Variants in PAX3 observed in about 807,000 individuals in gnomAD.
PAX3 encodes the protein paired box protein Pax-3.
Under a neutral mutation model 51.6 loss-of-function variants are expected in PAX3, and 14 were observed. The ratio of observed to expected loss-of-function variants is 0.27; its 90% CI spans 0.18 to 0.42. PAX3 has a LOEUF of 0.42. PAX3 is among the 10% of genes least tolerant of loss of function. The probability of loss-of-function intolerance (pLI) is 1.00; values close to 1 mark genes in which losing one functional copy is unlikely to be tolerated. For synonymous variants in PAX3, 280 were observed against 253.4 expected (o/e 1.11, Z -1.00); for missense variants, 540 against 642.8 (o/e 0.84, Z 1.73).
chr2:222,216,923 A>G (rs932268558), intron 7 of PAX3, among the ~76,000 whole-genome samples: 2 of 152,114 alleles, frequency 1.3e-5, no homozygotes, highest in African/African-American at 4.8e-5. Flanking sequence ...TAACATGTCA[A>G]ATAGCTCCAC....
At chr2:222,207,168 G>A (rs967286155) in intron 7 of PAX3, among the ~76,000 whole-genome samples, 1 of 152,022 alleles carries the variant, frequency 6.6e-6, no homozygotes, top group Non-Finnish European at 1.5e-5. Context: ...TTGCCAATGT[G>A]GGTGTTACTG....
intron 4 of PAX3, among the ~76,000 whole-genome samples, chr2:222,256,272 G>C (rs1693641340): frequency 6.6e-6 from 1 of 152,110 alleles, no homozygotes; most frequent in African/African-American, 2.4e-5. Flanking sequence ...TTTGCAGGAA[G>C]ATTTTCTCTG....
At chr2:222,217,066 C>T (rs1352861466) in intron 7 of PAX3, among the ~76,000 whole-genome samples, 2 of 152,124 alleles carry the variant, frequency 1.3e-5, no homozygotes, top group African/African-American at 2.4e-5. Context: ...GTTGTATGCA[C>T]TACTTTCTAC....
chr2:222,252,060 A>T (rs1036888880), intron 4 of PAX3, among the ~76,000 whole-genome samples: 3 of 152,216 alleles, frequency 2.0e-5, no homozygotes, highest in African/African-American at 7.2e-5. Context: ...AAGGATGGTT[A>T]CTACATTACT....
chr2:222,242,788 A>T (rs1033269360), intron 4 of PAX3: 13 of 152,310 alleles, frequency 8.5e-5, no homozygotes, highest in Admixed American at 6.5e-5. Flanking sequence ...ACCAAGAAAG[A>T]ACTCTGCTTA....
At chr2:222,253,045 T>C (rs193114426) in intron 4 of PAX3, among the ~76,000 whole-genome samples, 6 of 152,246 alleles carry the variant, frequency 3.9e-5, no homozygotes, top group African/African-American at 1.2e-4. Flanking sequence ...ATAGGCTACT[T>C]CCATCATCTC....
At chr2:222,206,328 C>T (rs1342541593) in intron 7 of PAX3, among the ~76,000 whole-genome samples, 2 of 151,888 alleles carry the variant, frequency 1.3e-5, no homozygotes, top group Non-Finnish European at 2.9e-5. Context: ...AAGATCTCTG[C>T]TCTGTCTCAT....
In PAX3 at chr2:222,294,328, A is replaced by G. The variant is rs779818750; in HGVS notation, c.452-27T>C. 7 of 1,613,572 alleles carry G rather than the reference A, an allele frequency of 4.3e-6. No homozygotes were observed. The African/African-American group carries it at 9.3e-5, about 22-fold the overall frequency. On this transcript the variant is annotated intron_variant, in intron 3 of 8. Coordinates refer to ENST00000392070, the MANE Select transcript of PAX3 (RefSeq NM_181458.4). Reference sequence around the variant, plus strand: ...TGGGGGCGGGAGGAGGAAGGAAGCAAGGGAGCGCACATGGTTGAGACAAGC... The same window carrying G: ...TGGGGGCGGGAGGAGGAAGGAAGCAGGGGAGCGCACATGGTTGAGACAAGC...
intron 4 of PAX3, among the ~76,000 whole-genome samples, chr2:222,235,413 C>T (rs1391519324): frequency 2.0e-5 from 3 of 152,144 alleles, no homozygotes; most frequent in Admixed American, 1.3e-4. Flanking sequence ...CATCTTTATT[C>T]TTAAAATGGA....
intron 4 of PAX3, among the ~76,000 whole-genome samples, chr2:222,288,776 G>A (rs1021615256): frequency 2.0e-5 from 3 of 152,150 alleles, no homozygotes; most frequent in African/African-American, 4.8e-5. Flanking sequence ...CCTACAACAT[G>A]TAACTGGTTT....
In PAX3 at chr2:222,227,886, T is replaced by C. The variant is rs1301077801; in HGVS notation, c.792+4192A>G. Among the ~76,000 whole-genome samples the C allele has an allele frequency of 2.0e-5, 3 of 152,154 alleles. No individual in the cohort carries two copies. In the East Asian group the frequency reaches 5.8e-4, roughly 29 times the overall value. On this transcript the variant is annotated intron_variant, in intron 5 of 8. Transcript: ENST00000392070. ...AAAACACTGACAGAGGCTAAAGTTATTATAGCTTTAGTCCCATTTCTATTT... is the reference window on the plus strand; with the variant it reads ...AAAACACTGACAGAGGCTAAAGTTACTATAGCTTTAGTCCCATTTCTATTT...
At chr2:222,231,818 CA>C (rs1692606923) in intron 5 of PAX3, among the ~76,000 whole-genome samples, 1 of 152,192 alleles carries the variant, frequency 6.6e-6, no homozygotes, top group Non-Finnish European at 1.5e-5. Context: ...GTATCACCCC[CA>C]AAGTCCATAT....
intron 4 of PAX3, among the ~76,000 whole-genome samples, chr2:222,278,172 C>A (rs552745512): frequency 1.3e-5 from 2 of 152,204 alleles, no homozygotes; most frequent in South Asian, 4.1e-4. Flanking sequence ...CACTGAGACC[C>A]TTTTGGCTTA....
chr2:222,258,614 A>G (rs1338019756), intron 4 of PAX3, among the ~76,000 whole-genome samples: 2 of 152,144 alleles, frequency 1.3e-5, no homozygotes, highest in Non-Finnish European at 2.9e-5. Flanking sequence ...CCTTTTAAGA[A>G]CAACAGCCTC....
At chr2:222,215,374 A>G (rs149997472) in intron 7 of PAX3, among the ~76,000 whole-genome samples, 25 of 152,300 alleles carry the variant, frequency 1.6e-4, no homozygotes, top group African/African-American at 5.1e-4. Context: ...CCCATTTTGT[A>G]TACTACAAAA....
chr2:222,221,544 G>A, intron 5 of PAX3, 157 bp from the exon 6 acceptor site: 1 of 717,674 alleles, frequency 1.4e-6, no homozygotes, highest in Non-Finnish European at 2.4e-6. Context: ...GAATTGTCAG[G>A]AGTAAAAGAA....
rs146466650 is a variant in PAX3 at position 222,202,559 on chromosome 2, A to G, written c.1174-369T>C. On this transcript the variant is annotated intron_variant, in intron 7 of 8. Transcript: ENST00000392070. Reference sequence around the variant, plus strand: ...AGAGGGAGAAATTGTATCTGTTCATACAGAAAAATGTCTATTCATACATTA... The same window carrying G: ...AGAGGGAGAAATTGTATCTGTTCATGCAGAAAAATGTCTATTCATACATTA... Among the ~76,000 whole-genome samples, 937 of 152,326 alleles carry G rather than the reference A, an allele frequency of 6.2e-3. 14 individuals carry two copies. Among genetic ancestry groups the G allele is most frequent in the Middle Eastern group, 0.014 (4 of 294 alleles).
chr2:222,222,068 T>C (rs1197261314), intron 5 of PAX3, among the ~76,000 whole-genome samples: 2 of 152,168 alleles, frequency 1.3e-5, no homozygotes, highest in Non-Finnish European at 2.9e-5. Context: ...GAACACGCTG[T>C]GTCAAGCACT....
intron 4 of PAX3, among the ~76,000 whole-genome samples, chr2:222,259,853 T>C (rs1343986515): frequency 6.6e-6 from 1 of 151,834 alleles, no homozygotes; most frequent in African/African-American, 2.4e-5. Flanking sequence ...TACTTACTAG[T>C]GAAGTTAGCT....
Sources: allele counts gnomAD v4.1 joint callset (sites outside exome capture counted in the v4.1 genomes callset), GRCh38; gene constraint gnomAD v4.1.1; transcripts MANE v1.5; gene names NCBI Gene and HGNC (gene_info 2026-07-23, HGNC 2026-07-21).